The following MYH7 variants were observed in gnomAD, a reference collection of about 807,000 sequenced individuals.
The protein encoded by MYH7 is myosin-7.
MYH7 carries 129 observed loss-of-function variants against 225.4 expected under a neutral mutation model. That is an observed-to-expected ratio of 0.57 (90% CI 0.50 to 0.66). The LOEUF (loss-of-function observed/expected upper bound fraction) is 0.66. Ranked by LOEUF, MYH7 falls within the 30% of genes least tolerant of loss-of-function variation. MYH7 has a pLI of 0.00. For missense variants in MYH7, 1,649 were observed against 2,517.0 expected (o/e 0.66, Z 7.38); for synonymous variants, 971 against 1,007.6 (o/e 0.96, Z 0.69).
chr14:23,430,453 T>A, intron 11 of MYH7, 107 bp downstream of exon 11: 1 of 890,334 alleles, frequency 1.1e-6, no homozygotes, highest in Non-Finnish European at 1.8e-6. Flanking sequence ...AGGAGGTCCA[T>A]ACCACTTTAA....
rs397516188 is a variant in MYH7 at position 23,419,961 on chromosome 14, C to G, written c.3610G>C (p.Gly1204Arg). Residue 1204 changes from glycine to arginine, a missense_variant, in exon 27 of 40, where the codon GGC becomes CGC. Physicochemically the swap from Gly to Arg is moderately radical, Grantham distance 125 (BLOSUM62 -2). Coordinates refer to ENST00000355349, the MANE Select transcript of MYH7 (RefSeq NM_000257.4). The stretch of plus-strand genomic sequence containing the variant: ...CGCTGCAGGTTGTCGATCTGCTCGC[C>G]CAGCTCGGCCACGCTGTCGGCGTGC... ...KKHADSVAELGEQIDNLQRVK... is the reference protein window; with the variant it reads ...KKHADSVAELREQIDNLQRVK... 4.4e-6 allele frequency: 7 copies of G among 1,607,200 alleles called. No homozygotes were observed. The highest frequency in any genetic ancestry group is 5.1e-6 in the Non-Finnish European group (6 of 1,175,244).
chr14:23,424,920 G>T lies in MYH7; in HGVS notation c.2528C>A (p.Ala843Glu). 2 of 1,614,172 alleles carry T rather than the reference G, an allele frequency of 1.2e-6. No individual in the cohort carries two copies. Among genetic ancestry groups the T allele is most frequent in the Non-Finnish European group, 1.7e-6 (2 of 1,180,038 alleles). Reference sequence around the variant, plus strand: ...GGAGGCCATCTCCTTCTCTCTTTCTGCACTCTTCAGCAGCGGCTTGATCTT... The same window carrying T: ...GGAGGCCATCTCCTTCTCTCTTTCTTCACTCTTCAGCAGCGGCTTGATCTT... ...YFKIKPLLKS[A>E]EREKEMASMK... The change falls in exon 22 of 40, where the codon GCA becomes GAA. Residue 843 changes from alanine (A) to glutamate (E), a missense_variant. By Grantham distance (107) the Ala-to-Glu change is moderately radical (BLOSUM62 -1). Transcript: ENST00000355349.
chr14:23,416,368 TG>T, intron 33 of MYH7, 56 bp from the exon 34 acceptor site: 1 of 1,558,236 alleles, frequency 6.4e-7, no homozygotes. Flanking sequence ...CAGGGCAGGG[TG>T]GGGGCCTGCT....
chr14:23,427,419 C>A, intron 16 of MYH7, 112 bp from the exon 17 acceptor site: 1 of 1,479,642 alleles, frequency 6.8e-7, no homozygotes, highest in Non-Finnish European at 9.3e-7. Context: ...TGGGTGAGGG[C>A]CTTCAATGTG....
In MYH7 at chr14:23,428,978, T is replaced by A. The variant is rs397516105; in HGVS notation, c.1384A>T (p.Ile462Phe). The change falls in exon 14 of 40, where the codon ATC (isoleucine) becomes TTC (phenylalanine). Residue 462 changes from isoleucine (I) to phenylalanine (F), a missense_variant. Ile to Phe is a conservative substitution (Grantham distance 21). This residue lies in a region of MYH7 where 76 missense variants were observed against 233.8 expected (regional missense o/e 0.33). Transcript: ENST00000355349. ...PRQYFIGVLD[I>F]AGFEIFDFNS... ...ACATCGAAGATCTCGAAGCCAGCGA[T>A]GTCCAGGACTCCTATGAAGTACTGG... 43 of 1,614,094 alleles carry A rather than the reference T, an allele frequency of 2.7e-5. No homozygotes were observed. The highest frequency in any genetic ancestry group is 3.5e-5 in the Non-Finnish European group (41 of 1,180,050).
rs3218716 is a variant in MYH7, at chr14:23,425,316, C to A, written c.2389G>T (p.Ala797Ser). 1 of 1,614,152 alleles carries A rather than the reference C, an allele frequency of 6.2e-7. No homozygotes were observed. The highest frequency in any genetic ancestry group is 1.1e-5 in the South Asian group (1 of 91,082). Residue 797 changes from alanine (A) to serine (S), a missense_variant, in exon 21 of 40, where the codon GCC becomes TCC. Coordinates refer to ENST00000355349, the MANE Select transcript of MYH7 (RefSeq NM_000257.4). This position sits in a 1 kb window ranked among gnomAD's most constrained non-coding sequence, Gnocchi z 4.6. ...AGCAGCTTTTTGTACTCCATTCTGG[C>A]GAGCACACCTCGGGACTGGGCCTGG... The part of the protein sequence containing the change: ...RIQAQSRGVL[A>S]RMEYKKLLER...
chr14:23,418,787 C>T (rs1892341157), intron 29 of MYH7, among the ~76,000 whole-genome samples: 2 of 152,146 alleles, frequency 1.3e-5, no homozygotes, highest in African/African-American at 4.8e-5. Flanking sequence ...TGTTCTTTCT[C>T]CTTTTTCATG....
Position 23,425,085 on chromosome 14 carries a change from A to G in MYH7, c.2424-61T>C. ...TGCCTCCTTCCTACCTGAGGTCCTGAAACCTTGGGAATATCCCATTTCCTT... is the reference window on the plus strand; with the variant it reads ...TGCCTCCTTCCTACCTGAGGTCCTGGAACCTTGGGAATATCCCATTTCCTT... On this transcript the variant is annotated intron_variant, in intron 21 of 39. Coordinates refer to ENST00000355349, the MANE Select transcript of MYH7 (RefSeq NM_000257.4). This position sits in a 1 kb window ranked among gnomAD's most constrained non-coding sequence, Gnocchi z 4.6. 1.9e-6 allele frequency: 3 copies of G among 1,613,288 alleles called. No individual in the cohort carries two copies. The highest frequency in any genetic ancestry group is 2.5e-6 in the Non-Finnish European group (3 of 1,179,728).
chr14:23,421,520 A>G (rs138618351), intron 25 of MYH7, among the ~76,000 whole-genome samples: 1 of 152,358 alleles, frequency 6.6e-6, no homozygotes, highest in Non-Finnish European at 1.5e-5. Context: ...TATTCAACAC[A>G]TTCTGTGCCT....
rs2069541 is a variant in MYH7 at position 23,431,803 on chromosome 14, T to C, written c.597A>G (p.Ala199=). The change falls in exon 7 of 40, where the codon GCA becomes GCG. Residue 199 remains alanine, a synonymous_variant. Coordinates refer to ENST00000355349, the MANE Select transcript of MYH7 (RefSeq NM_000257.4). The part of the protein sequence containing the change: ...KRVIQYFAVI[A]AIGDRSKKDQ... ...CCTTCTTGCTGCGGTCCCCAATGGC[T>C]GCAATAACAGCAAAGTACTGGATGA... The C allele has an allele frequency of 0.013, 21,553 of 1,614,236 alleles. 187 individuals carry two copies. The highest frequency in any genetic ancestry group is 0.032 in the Middle Eastern group (193 of 6,062).
In MYH7 at chr14:23,433,444, C is replaced by G. The variant is rs1248601529; in HGVS notation, c.201+88G>C. The G allele has an allele frequency of 6.6e-7, 1 of 1,508,276 alleles. No homozygotes were observed. Among genetic ancestry groups the G allele is most frequent in the Admixed American group, 1.7e-5 (1 of 59,626 alleles). The allele number at this position is 1,508,276 out of a possible 1,614,324, so 93.4% of individuals were successfully genotyped here. ...GAGAATGGGACCATCCTCAGGTCTG[C>G]ATGGGCATGGGGCATGGGTGTACCC... is the stretch of plus-strand genomic sequence containing the variant. On this transcript the variant is annotated intron_variant, in intron 3 of 39. Coordinates refer to ENST00000355349, the MANE Select transcript of MYH7 (RefSeq NM_000257.4). The surrounding 1 kb of genome is among the most constrained non-coding windows in gnomAD (Gnocchi z 4.1).
At chr14:23,421,851 T>G (rs995328404) in intron 25 of MYH7, 4 of 870,374 alleles carry the variant, frequency 4.6e-6, no homozygotes, top group Non-Finnish European at 5.5e-6. Flanking sequence ...GGCTCTCATG[T>G]GGAGCCTTCC....
chr14:23,416,276 C>A lies in MYH7; in HGVS notation c.4681G>T (p.Ala1561Ser). Residue 1561 changes from alanine to serine, a missense_variant, in exon 34 of 40, where the codon GCC becomes TCC. By Grantham distance (99) the Ala-to-Ser change is moderately conservative (BLOSUM62 1). Coordinates refer to ENST00000355349, the MANE Select transcript of MYH7 (RefSeq NM_000257.4). ...LEHEEGKILR[A>S]QLEFNQIKAE... ...TTGATCTGGTTGAACTCCAGCTGGG[C>A]CCGGAGGATCTTGCCCTCCTCGTGC... The A allele has an allele frequency of 2.5e-6, 4 of 1,612,974 alleles. No homozygotes were observed. In the South Asian group the frequency reaches 4.4e-5, roughly 18 times the overall value.
At chr14:23,431,031 A>G in intron 9 of MYH7, 32 bp from the exon 10 acceptor site, 13 of 1,515,928 alleles carry the variant, frequency 8.6e-6, no homozygotes, top group Non-Finnish European at 1.1e-5. Context: ...AAGGAGAGAA[A>G]GAAAAGTTAG....
In MYH7 at chr14:23,419,222, G is replaced by C; in HGVS notation, c.3927C>G (p.Thr1309=). Residue 1309 remains threonine, a synonymous_variant, in exon 29 of 40, where the codon ACC becomes ACG. Coordinates refer to ENST00000355349, the MANE Select transcript of MYH7 (RefSeq NM_000257.4). ...SQLTRGKLTY[T]QQLEDLKRQL... ...GCCTCTTGAGGTCCTCCAGCTGCTG[G>C]GTGTAGGTGAGCTTGCCTCGGGTCA... The C allele has an allele frequency of 1.2e-6, 2 of 1,614,196 alleles. No homozygotes were observed. Among genetic ancestry groups the C allele is most frequent in the Non-Finnish European group, 1.7e-6 (2 of 1,180,040 alleles).
intron 30 of MYH7, 135 bp from the exon 31 acceptor site, chr14:23,417,821 CA>C: frequency 7.9e-7 from 1 of 1,265,832 alleles, no homozygotes; most frequent in Non-Finnish European, 1.1e-6. Flanking sequence ...GGACAGGTCC[CA>C]GGGGCCGAGA....
At position 23,419,992 on chromosome 14, in the gene MYH7, G is replaced by C; in HGVS notation, c.3579C>G (p.Arg1193=). 1 of 1,599,316 alleles carries C rather than the reference G, an allele frequency of 6.3e-7. No homozygotes were observed. Among genetic ancestry groups the C allele is most frequent in the Non-Finnish European group, 8.5e-7 (1 of 1,170,348 alleles). Residue 1193 remains arginine, a synonymous_variant, in exon 27 of 40, where the codon CGC becomes CGG. Transcript: ENST00000355349. Reference sequence around the variant, plus strand: ...CGGCCACGCTGTCGGCGTGCTTCTTGCGCAGGGCCGCGGCAGTGGCCTCGT... The same window carrying C: ...CGGCCACGCTGTCGGCGTGCTTCTTCCGCAGGGCCGCGGCAGTGGCCTCGT... ...LQHEATAAAL[R]KKHADSVAEL...
intron 22 of MYH7, 96 bp downstream of exon 22, chr14:23,424,673 G>A: frequency 1.3e-6 from 2 of 1,594,312 alleles, no homozygotes; most frequent in South Asian, 1.1e-5. Flanking sequence ...CTGACTGAAG[G>A]AACAAGACAG....
At chr14:23,423,421 C>G in intron 24 of MYH7, 126 bp downstream of exon 24, 2 of 1,313,444 alleles carry the variant, frequency 1.5e-6, no homozygotes, top group Non-Finnish European at 2.2e-6. Flanking sequence ...CTACCCCCCT[C>G]TAAACATAAA....
Sources: allele counts gnomAD v4.1 joint callset (sites outside exome capture counted in the v4.1 genomes callset), GRCh38; gene constraint gnomAD v4.1.1; regional missense constraint gnomAD v4.1.1; non-coding constraint Gnocchi (gnomAD v3.1); transcripts MANE v1.5; gene names NCBI Gene and HGNC (gene_info 2026-07-23, HGNC 2026-07-21).